The following OPCML variants were observed in gnomAD, a reference collection of about 807,000 sequenced individuals.
The protein encoded by OPCML is opioid binding protein/cell adhesion molecule like, also known as opioid-binding protein/cell adhesion molecule.
OPCML carries 13 observed loss-of-function variants against 37.8 expected under a neutral mutation model. The ratio of observed to expected loss-of-function variants is 0.34; its 90% CI spans 0.22 to 0.55. OPCML has a LOEUF of 0.55. Among genes scored for constraint, OPCML ranks in the 20% least tolerant of loss-of-function variants. OPCML has a pLI of 0.91. For missense variants in OPCML, 341 were observed against 435.6 expected (o/e 0.78, Z 1.93); for synonymous variants, 176 against 168.8 (o/e 1.04, Z -0.33).
At chr11:133,420,154 AAT>A (rs148944588) in intron 1 of OPCML, 12,421 of 545,896 alleles carry the variant, frequency 0.023, 1,079 homozygotes, top group African/African-American at 0.2. Flanking sequence ...ATAGTAATTA[AAT>A]ATATACACAC....
At chr11:132,919,353 C>G (rs1000014239) in intron 2 of OPCML, among the ~76,000 whole-genome samples, 1 of 152,190 alleles carries the variant, frequency 6.6e-6, no homozygotes, top group African/African-American at 2.4e-5. Flanking sequence ...GACATCCACC[C>G]AGACCTACTG....
chr11:133,358,452 GA>G (rs142630314), intron 1 of OPCML, among the ~76,000 whole-genome samples: 236 of 152,288 alleles, frequency 1.5e-3, no homozygotes, highest in African/African-American at 5.6e-3. Context: ...TGTGCTATTG[GA>G]CAAGCCAATT....
intron 7 of OPCML, among the ~76,000 whole-genome samples, chr11:132,421,724 G>A (rs557047031): frequency 9.2e-5 from 14 of 152,208 alleles, no homozygotes; most frequent in Admixed American, 5.9e-4. Flanking sequence ...AAAAAAGGGC[G>A]GAATCCAGGT....
chr11:132,755,771 A>G (rs1540205), intron 2 of OPCML, among the ~76,000 whole-genome samples: 49,210 of 152,088 alleles, frequency 0.32, 8,304 homozygotes, highest in Middle Eastern at 0.4. Context: ...TACAGTCAAA[A>G]TAAAGCCACA....
At chr11:132,676,249 A>G (rs1337060182) in intron 2 of OPCML, among the ~76,000 whole-genome samples, 2 of 152,166 alleles carry the variant, frequency 1.3e-5, no homozygotes, top group Non-Finnish European at 2.9e-5. Context: ...ACACAATTGA[A>G]TACAGCTGGA....
At chr11:133,267,582 C>T (rs952392457) in intron 1 of OPCML, among the ~76,000 whole-genome samples, 1 of 152,136 alleles carries the variant, frequency 6.6e-6, no homozygotes, top group African/African-American at 2.4e-5. Context: ...AATTGTTTTG[C>T]TGTGAGCCAT....
At chr11:133,052,853 C>T (rs1380734871) in intron 1 of OPCML, among the ~76,000 whole-genome samples, 1 of 152,208 alleles carries the variant, frequency 6.6e-6, no homozygotes, top group Non-Finnish European at 1.5e-5. Context: ...AAAGCAGAGG[C>T]CTGAGCCCAG....
chr11:132,939,131 AAT>A (rs1945489603), intron 2 of OPCML, among the ~76,000 whole-genome samples: 1 of 152,170 alleles, frequency 6.6e-6, no homozygotes, highest in Non-Finnish European at 1.5e-5. Flanking sequence ...GAAACACTGA[AAT>A]GGAAAAATAA....
Position 133,403,403 on chromosome 11 carries a change from T to A in OPCML, c.61+128861A>T, listed in dbSNP as rs538189188. ...TAAATGTTTATGAGTAAACGTCTGT[T>A]CAAGACCAACACAATCCTATATAAA... On this transcript the variant is annotated intron_variant, in intron 1 of 7. Transcript: ENST00000524381. 3.0e-3 allele frequency among the ~76,000 whole-genome samples: 456 copies of A among 152,336 alleles called. 5 individuals are homozygous for A. Among genetic ancestry groups the A allele is most frequent in the African/African-American group, 9.9e-3 (411 of 41,570 alleles).
chr11:132,899,068 G>A (rs954680719), intron 2 of OPCML, among the ~76,000 whole-genome samples: 1 of 152,076 alleles, frequency 6.6e-6, no homozygotes, highest in Admixed American at 6.5e-5. Flanking sequence ...CCCAATCCAG[G>A]GAGGACTACT....
At chr11:132,442,413 A>T (rs649631) in intron 4 of OPCML, among the ~76,000 whole-genome samples, 148,237 of 152,328 alleles carry the variant, frequency 0.97, 72,146 homozygotes, top group East Asian at 1. Flanking sequence ...TCAGCCATCA[A>T]TCTTGCATCC....
chr11:133,305,980 T>G (rs1942904033), intron 1 of OPCML, among the ~76,000 whole-genome samples: 1 of 152,210 alleles, frequency 6.6e-6, no homozygotes, highest in Admixed American at 6.5e-5. Context: ...TTATTTCAAC[T>G]GAAAGAACGT....
chr11:133,522,478 T>C (rs1052277757), intron 1 of OPCML, among the ~76,000 whole-genome samples: 11 of 152,150 alleles, frequency 7.2e-5, no homozygotes, highest in African/African-American at 2.4e-4. Flanking sequence ...AGACAGGGCT[T>C]CTGTTTGTTT....
At chr11:132,778,509 A>G (rs533608016) in intron 2 of OPCML, among the ~76,000 whole-genome samples, 2 of 152,368 alleles carry the variant, frequency 1.3e-5, no homozygotes, top group African/African-American at 4.8e-5. Context: ...TTATATAAAG[A>G]GGAAACTTAT....
intron 2 of OPCML, among the ~76,000 whole-genome samples, chr11:132,832,464 C>T (rs1179945155): frequency 6.6e-6 from 1 of 152,200 alleles, no homozygotes; most frequent in Non-Finnish European, 1.5e-5. Flanking sequence ...TTCTGCTTAT[C>T]TGGGCCATGA....
chr11:133,136,046 A>G (rs963944020), intron 1 of OPCML, among the ~76,000 whole-genome samples: 1 of 152,192 alleles, frequency 6.6e-6, no homozygotes, highest in Non-Finnish European at 1.5e-5. Flanking sequence ...ATATTTATTC[A>G]AAAGACCTAA....
chr11:132,930,041 T>C (rs1024421762), intron 2 of OPCML, among the ~76,000 whole-genome samples: 1 of 152,116 alleles, frequency 6.6e-6, no homozygotes, highest in Non-Finnish European at 1.5e-5. Flanking sequence ...CTACTCAATA[T>C]AGCACTGGGC....
intron 1 of OPCML, among the ~76,000 whole-genome samples, chr11:133,380,819 ATTG>A (rs1944913719): frequency 6.6e-6 from 1 of 152,072 alleles, no homozygotes; most frequent in African/African-American, 2.4e-5. Flanking sequence ...TGCTTTCTAT[ATTG>A]TTAAGTAAAT....
chr11:133,195,706 C>G (rs1236633209), intron 1 of OPCML, among the ~76,000 whole-genome samples: 5 of 152,162 alleles, frequency 3.3e-5, no homozygotes, highest in African/African-American at 1.2e-4. Flanking sequence ...TTAAAATTGC[C>G]TGCTTATGCC....
Sources: gnomAD v4.1 joint callset for allele counts (sites outside exome capture counted in the v4.1 genomes callset) on GRCh38, gnomAD v4.1.1 for gene constraint, MANE v1.5 for transcripts, NCBI Gene and HGNC (gene_info 2026-07-23, HGNC 2026-07-21) for gene names.